SAXO4: variants seen among roughly 807,000 people sequenced by gnomAD.
The protein encoded by SAXO4 is protein phosphatase 1 regulatory subunit 32.
At chr11:61,485,719 A>G in the SAXO4 span, 1 of 1,082,236 alleles carries the variant, frequency 9.2e-7, no homozygotes, top group Non-Finnish European at 1.4e-6. Flanking sequence ...CTCCCTCTGC[A>G]CCTGCTGGGA....
the SAXO4 span, chr11:61,481,934 C>A: frequency 6.6e-7 from 1 of 1,520,800 alleles, no homozygotes; most frequent in Non-Finnish European, 9.0e-7. Context: ...GGTGCCTTTG[C>A]GCAGGAGCCT....
chr11:61,488,449 C>T, the SAXO4 span, among the ~76,000 whole-genome samples: 170 of 152,060 alleles, frequency 1.1e-3, 2 homozygotes, highest in African/African-American at 3.9e-3. Context: ...GGACTACAGG[C>T]GCCTGCCACC....
chr11:61,486,748 G>A, the SAXO4 span: 2 of 936,026 alleles, frequency 2.1e-6, no homozygotes, highest in Non-Finnish European at 3.3e-6. Flanking sequence ...TCAGGTGGAG[G>A]GTGAAGAGAG....
At chr11:61,485,756 T>C in the SAXO4 span, 1 of 1,469,600 alleles carries the variant, frequency 6.8e-7, no homozygotes, top group Non-Finnish European at 9.5e-7. Flanking sequence ...GACACATGGG[T>C]GGGCCAGGTG....
At chr11:61,484,902 C>CCTG in the SAXO4 span, 1 of 1,455,414 alleles carries the variant, frequency 6.9e-7, no homozygotes, top group Admixed American at 2.6e-5. Flanking sequence ...AAGTATTGCA[C>CCTG]TGACTCACCC....
At chr11:61,485,412 T>C in the SAXO4 span, 2 of 1,610,540 alleles carry the variant, frequency 1.2e-6, no homozygotes, top group East Asian at 2.2e-5. Flanking sequence ...GTAGGCCCTG[T>C]CTGAACTCAC....
chr11:61,485,974 C>G, the SAXO4 span: 1 of 1,169,370 alleles, frequency 8.6e-7, no homozygotes, highest in East Asian at 2.4e-5. Flanking sequence ...CTCAGGGTTT[C>G]TAGCTTTCCT....
At chr11:61,486,125 T>C in the SAXO4 span, among the ~76,000 whole-genome samples, 1 of 152,244 alleles carries the variant, frequency 6.6e-6, no homozygotes, top group Non-Finnish European at 1.5e-5. Context: ...GCCAATGTCA[T>C]TCAGAGTTCA....
chr11:61,486,533 T>C, the SAXO4 span: 1 of 1,614,010 alleles, frequency 6.2e-7, no homozygotes, highest in South Asian at 1.1e-5. Flanking sequence ...GGGAGATGAG[T>C]TCCTACCTGT....
At chr11:61,484,515 T>C in the SAXO4 span, among the ~76,000 whole-genome samples, 1 of 151,398 alleles carries the variant, frequency 6.6e-6, no homozygotes, top group Admixed American at 6.6e-5. Context: ...TCCCTGCGAG[T>C]GTGATGGGAA....
At chr11:61,489,515 C>A in the SAXO4 span, 5 of 577,964 alleles carry the variant, frequency 8.7e-6, no homozygotes, top group Non-Finnish European at 1.5e-5. Flanking sequence ...GGGTCCCCAC[C>A]CCAAGGTACT....
At chr11:61,485,956 C>A in the SAXO4 span, 1 of 1,340,070 alleles carries the variant, frequency 7.5e-7, no homozygotes, top group Non-Finnish European at 1.1e-6. Context: ...GGCTTGAAGC[C>A]CTCCAGTCTC....
the SAXO4 span, chr11:61,485,711 C>T: frequency 1.0e-6 from 1 of 1,001,390 alleles, no homozygotes; most frequent in Non-Finnish European, 1.5e-6. Flanking sequence ...GGGATCCACT[C>T]CCTCTGCACC....
At chr11:61,481,736 C>T in the SAXO4 span, 29 of 831,378 alleles carry the variant, frequency 3.5e-5, no homozygotes, top group Middle Eastern at 2.8e-4. Flanking sequence ...TGTGGGCTTC[C>T]GAGCCAGGCT....
At chr11:61,481,849 G>C in the SAXO4 span, 1 of 1,546,754 alleles carries the variant, frequency 6.5e-7, no homozygotes, top group Non-Finnish European at 8.6e-7. Context: ...CTCCCCTTAT[G>C]TGAAGATGAG....
the SAXO4 span, chr11:61,486,042 A>T: frequency 2.9e-6 from 2 of 692,076 alleles, no homozygotes; most frequent in Non-Finnish European, 4.9e-6. Context: ...GCTTAGGTGA[A>T]AACCACTGCT....
the SAXO4 span, among the ~76,000 whole-genome samples, chr11:61,483,456 G>C: frequency 6.6e-6 from 1 of 151,860 alleles, no homozygotes; most frequent in African/African-American, 2.4e-5. Context: ...GTGAGCCACT[G>C]CGCCCAGCCC....
chr11:61,488,585 G>A, the SAXO4 span, among the ~76,000 whole-genome samples: 2 of 152,122 alleles, frequency 1.3e-5, no homozygotes, highest in Non-Finnish European at 2.9e-5. Flanking sequence ...GACAAACTCC[G>A]AGCCAGGAAG....
chr11:61,489,702 G>A, the SAXO4 span: 1 of 1,472,932 alleles, frequency 6.8e-7, no homozygotes, highest in Non-Finnish European at 9.5e-7. Context: ...GGCGATCTGA[G>A]GGTCGATGGA....
Sources: allele counts gnomAD v4.1 joint callset (sites outside exome capture counted in the v4.1 genomes callset), GRCh38; gene constraint gnomAD v4.1.1; transcripts MANE v1.5; gene names NCBI Gene and HGNC (gene_info 2026-07-23, HGNC 2026-07-21).